SNTG2: variants seen among roughly 807,000 people sequenced by gnomAD.
SNTG2 encodes gamma-2-syntrophin.
SNTG2 carries 74 observed loss-of-function variants against 70.9 expected under a neutral mutation model. That is an observed-to-expected ratio of 1.04 (90% CI 0.86 to 1.27). The LOEUF (loss-of-function observed/expected upper bound fraction) is 1.27, where lower values mean the gene tolerates loss of function less well. SNTG2 is among the 50% of genes most tolerant of loss of function. The probability of loss-of-function intolerance (pLI) is 0.00; values close to 1 mark genes in which losing one functional copy is unlikely to be tolerated. For missense variants in SNTG2, 717 were observed against 690.7 expected, an observed-to-expected ratio of 1.04 and a Z score of -0.43; for synonymous variants, 278 against 273.8, an observed-to-expected ratio of 1.02 and a Z score of -0.15.
chr2:1,154,355 G>A (rs1669716566), intron 6 of SNTG2, among the ~76,000 whole-genome samples: 1 of 152,210 alleles, frequency 6.6e-6, no homozygotes, highest in African/African-American at 2.4e-5. Context: ...AGGCGAGCGG[G>A]ATGGGACGCC....
At chr2:1,308,634 G>C (rs779501921) in intron 15 of SNTG2, 48 bp downstream of exon 15, 1 of 1,462,646 alleles carries the variant, frequency 6.8e-7, no homozygotes, top group Non-Finnish European at 9.4e-7. Flanking sequence ...CATGTGCTTG[G>C]TTACATTCCA....
chr2:1,165,710 C>T (rs1572621921), intron 7 of SNTG2, 75 bp downstream of exon 7: 1 of 1,227,734 alleles, frequency 8.1e-7, no homozygotes, highest in South Asian at 1.3e-5. Context: ...CAAATGCTAC[C>T]ACATGGACTG....
At position 950,870 on chromosome 2, in the gene SNTG2, C is replaced by T; in HGVS notation, c.-127C>T. 1 of 310,996 alleles carries T rather than the reference C, an allele frequency of 3.2e-6. No individual in the cohort carries two copies. The highest frequency in any genetic ancestry group is 5.4e-6 in the Non-Finnish European group (1 of 186,460). The allele number at this position is 310,996 out of a possible 1,614,324, so 19.3% of individuals were successfully genotyped here. A position where few individuals can be genotyped will look rare whatever the true frequency, so the allele number is the denominator to read the frequency against. On this transcript the variant is annotated 5_prime_UTR_variant, in exon 1 of 17. Transcript: ENST00000308624. Reference sequence around the variant, plus strand: ...CCCCAGCCCTGCGCCCCGGTGGAGCCCGAGCCGGAGCCGGCAGAGGGGCGC... The same window carrying T: ...CCCCAGCCCTGCGCCCCGGTGGAGCTCGAGCCGGAGCCGGCAGAGGGGCGC...
intron 7 of SNTG2, among the ~76,000 whole-genome samples, chr2:1,169,503 G>A (rs1004429953): frequency 1.1e-4 from 16 of 152,178 alleles, no homozygotes; most frequent in African/African-American, 3.9e-4. Context: ...GGTTTTCACC[G>A]TGAGCCCCTG....
chr2:1,164,503 T>A (rs1250411595), intron 6 of SNTG2, among the ~76,000 whole-genome samples: 2 of 100,024 alleles, frequency 2.0e-5, no homozygotes, highest in African/African-American at 8.7e-5. Flanking sequence ...CCTAGGAGGA[T>A]GAAGTGAGGT....
chr2:1,274,579 G>A (rs7572353), intron 14 of SNTG2, among the ~76,000 whole-genome samples: 45,764 of 150,664 alleles, frequency 0.3, 7,901 homozygotes, highest in African/African-American at 0.47. Flanking sequence ...TTCCACCCTC[G>A]ATCAGGATGA....
chr2:1,114,487 T>C (rs1003094369), intron 4 of SNTG2, among the ~76,000 whole-genome samples: 1 of 151,998 alleles, frequency 6.6e-6, no homozygotes, highest in Non-Finnish European at 1.5e-5. Flanking sequence ...ACCCTTACAG[T>C]CCTTTGAGGA....
intron 1 of SNTG2, among the ~76,000 whole-genome samples, chr2:1,022,035 A>G (rs2148013148): frequency 6.8e-6 from 1 of 147,582 alleles, no homozygotes; most frequent in East Asian, 2.0e-4. Flanking sequence ...TCAAAATTTT[A>G]GTACACTAGT....
chr2:993,328 A>G (rs1456994527), intron 1 of SNTG2, among the ~76,000 whole-genome samples: 1 of 148,868 alleles, frequency 6.7e-6, no homozygotes, highest in African/African-American at 2.5e-5. Context: ...TTCAAGTTCC[A>G]TGCACATTAT....
intron 4 of SNTG2, among the ~76,000 whole-genome samples, chr2:1,132,505 T>C (rs185416989): frequency 2.2e-4 from 33 of 152,274 alleles, no homozygotes; most frequent in South Asian, 6.2e-4. Flanking sequence ...CAATTTTCCC[T>C]TATGTTTTGT....
intron 6 of SNTG2, among the ~76,000 whole-genome samples, chr2:1,153,328 A>G (rs1558462691): frequency 6.6e-6 from 1 of 152,190 alleles, no homozygotes; most frequent in South Asian, 2.1e-4. Flanking sequence ...TTACATATGT[A>G]TATGTGTGCC....
chr2:1,229,933 C>G (rs1676088810), intron 9 of SNTG2, among the ~76,000 whole-genome samples: 2 of 152,212 alleles, frequency 1.3e-5, no homozygotes, highest in African/African-American at 4.8e-5. Context: ...CTCCAGCTGG[C>G]CCGCAAGCGC....
At chr2:1,163,333 C>CTCCCAACAGGAAGTGGGTGTGTGAAGTCT (rs1320805562) in intron 6 of SNTG2, 1 of 147,956 alleles carries the variant, frequency 6.8e-6, no homozygotes, top group South Asian at 2.1e-4. Flanking sequence ...CATGGGAAGC[C>CTCCCAACAGGAAGTGGGTGTGTGAAGTCT]TCCCAACAGG....
chr2:1,203,309 T>C (rs1234299812), intron 8 of SNTG2, among the ~76,000 whole-genome samples: 1 of 152,144 alleles, frequency 6.6e-6, no homozygotes, highest in Non-Finnish European at 1.5e-5. Context: ...CAGATAACTC[T>C]GTGAAACTGG....
intron 4 of SNTG2, among the ~76,000 whole-genome samples, chr2:1,099,347 C>T (rs1448186280): frequency 6.6e-6 from 1 of 152,202 alleles, no homozygotes; most frequent in African/African-American, 2.4e-5. Flanking sequence ...GAAAGCACAG[C>T]CACTGCAGGG....
At chr2:1,195,796 C>T (rs28498092) in intron 8 of SNTG2, among the ~76,000 whole-genome samples, 35,782 of 151,780 alleles carry the variant, frequency 0.24, 4,919 homozygotes, top group East Asian at 0.44. Flanking sequence ...AAGTCTTTGC[C>T]CAAGGCAAAA....
intron 16 of SNTG2, among the ~76,000 whole-genome samples, chr2:1,317,000 G>T (rs370060456): frequency 0.02 from 485 of 24,844 alleles, 8 homozygotes; most frequent in Middle Eastern, 0.062. Flanking sequence ...TCTGGAGCAT[G>T]TAGCATATGG....
intron 16 of SNTG2, among the ~76,000 whole-genome samples, chr2:1,355,397 A>G (rs1049329558): frequency 6.6e-6 from 1 of 152,110 alleles, no homozygotes; most frequent in African/African-American, 2.4e-5. Context: ...CCCCCTTCTG[A>G]GAGATTGACC....
At chr2:1,078,580 G>A (rs1030948790) in intron 1 of SNTG2, among the ~76,000 whole-genome samples, 1 of 152,114 alleles carries the variant, frequency 6.6e-6, no homozygotes, top group Non-Finnish European at 1.5e-5. Flanking sequence ...TGCAGGTGCC[G>A]GCCTCACAGG....
Sources: gnomAD v4.1 joint callset for allele counts (sites outside exome capture counted in the v4.1 genomes callset) on GRCh38, gnomAD v4.1.1 for gene constraint, MANE v1.5 for transcripts, NCBI Gene and HGNC (gene_info 2026-07-23, HGNC 2026-07-21) for gene names.